CCSAP: variants seen among roughly 807,000 people sequenced by gnomAD.
CCSAP encodes the protein centriole, cilia and spindle-associated protein.
CCSAP carries 17 observed loss-of-function variants against 25.9 expected under a neutral mutation model. The ratio of observed to expected loss-of-function variants is 0.66; its 90% CI spans 0.45 to 0.99. CCSAP has a LOEUF of 0.99. CCSAP is among the 50% of genes least tolerant of loss of function. CCSAP has a pLI of 0.00. For missense variants in CCSAP, 339 were observed against 367.8 expected (o/e 0.92, Z 0.64); for synonymous variants, 169 against 157.1 (o/e 1.08, Z -0.57).
chr1:229,333,579 CTT>C (rs1658132372), intron 2 of CCSAP, among the ~76,000 whole-genome samples: 1 of 151,742 alleles, frequency 6.6e-6, no homozygotes, highest in South Asian at 2.1e-4. Context: ...AAACTGGACA[CTT>C]TAAATCAGTT....
At chr1:229,328,892 G>A (rs1658005816) in intron 2 of CCSAP, among the ~76,000 whole-genome samples, 1 of 152,218 alleles carries the variant, frequency 6.6e-6, no homozygotes, top group Admixed American at 6.5e-5. Flanking sequence ...TCTGAATCCG[G>A]GTGTCATGTT....
At chr1:229,334,381 A>G (rs1381512944) in intron 2 of CCSAP, among the ~76,000 whole-genome samples, 6 of 152,260 alleles carry the variant, frequency 3.9e-5, no homozygotes, top group African/African-American at 1.2e-4. Flanking sequence ...TTAAAAAATC[A>G]TAATGAAAAT....
At position 229,342,329 on chromosome 1, in the gene CCSAP, G is replaced by T; in HGVS notation, c.137C>A (p.Pro46His). 1.3e-6 allele frequency: 2 copies of T among 1,499,608 alleles called. No homozygotes were observed. Among genetic ancestry groups the T allele is most frequent in the Non-Finnish European group, 1.8e-6 (2 of 1,126,802 alleles). 92.9% of individuals were successfully genotyped at this position (1,499,608 alleles called of 1,614,324 possible). A position where few individuals can be genotyped will look rare whatever the true frequency, so the allele number is the denominator to read the frequency against. ...GRRLLEQAHA[P>H]WLWDDWGPAG... The stretch of plus-strand genomic sequence containing the variant: ...CGGGCCCCAGTCGTCCCAGAGCCAG[G>T]GCGCGTGCGCCTGCTCCAGCAGCCG... Residue 46 changes from proline (P) to histidine (H), a missense_variant, in exon 2 of 4, where the codon CCC becomes CAC. By Grantham distance (77) the Pro-to-His change is moderately conservative (BLOSUM62 -2). Transcript: ENST00000284617. This position sits in a 1 kb window ranked among gnomAD's most constrained non-coding sequence, Gnocchi z 7.5.
chr1:229,321,312 T>C lies in CCSAP; in HGVS notation c.*3923A>G, dbSNP rs1279279851. 2 of 152,164 alleles carry C rather than the reference T, an allele frequency of 1.3e-5. No individual in the cohort carries two copies. Among genetic ancestry groups the C allele is most frequent in the Non-Finnish European group, 2.9e-5 (2 of 68,010 alleles). 9.4% of individuals were successfully genotyped at this position (152,164 alleles called of 1,614,324 possible). A position where few individuals can be genotyped will look rare whatever the true frequency, so the allele number is the denominator to read the frequency against. On this transcript the variant is annotated 3_prime_UTR_variant, in exon 4 of 4. Coordinates refer to ENST00000284617, the MANE Select transcript of CCSAP (RefSeq NM_145257.5). ...CGAGAATTTCAAAATGGAAATAATA[T>C]TAAAAGAGCAATCGATTTTTTTCCA...
intron 2 of CCSAP, chr1:229,327,349 A>T (rs553702229): frequency 2.8e-6 from 1 of 360,636 alleles, no homozygotes; most frequent in Non-Finnish European, 5.5e-6. Context: ...AAATCCAATC[A>T]TCTCAATTTT....
chr1:229,327,863 G>A (rs1240414678), intron 2 of CCSAP, among the ~76,000 whole-genome samples: 1 of 122,800 alleles, frequency 8.1e-6, no homozygotes, highest in African/African-American at 3.3e-5. Flanking sequence ...GAAAGACTCC[G>A]TCTCAAAAAA....
At chr1:229,326,145 G>A (rs544307799) in intron 3 of CCSAP, among the ~76,000 whole-genome samples, 3 of 152,276 alleles carry the variant, frequency 2.0e-5, no homozygotes, top group Non-Finnish European at 2.9e-5. Context: ...AAATGTTTCC[G>A]GGTCTTGACA....
At chr1:229,330,849 AAAG>A (rs1423661224) in intron 2 of CCSAP, among the ~76,000 whole-genome samples, 2 of 151,970 alleles carry the variant, frequency 1.3e-5, no homozygotes, top group Non-Finnish European at 2.9e-5. Context: ...AAAAAAAAAA[AAAG>A]AAAATGCAAT....
intron 2 of CCSAP, among the ~76,000 whole-genome samples, chr1:229,332,323 C>A (rs910337848): frequency 1.3e-5 from 2 of 151,874 alleles, no homozygotes; most frequent in African/African-American, 4.9e-5. Context: ...GTCTGTGAGA[C>A]TGAGCCCTCA....
intron 2 of CCSAP, among the ~76,000 whole-genome samples, chr1:229,337,566 G>A (rs1195679041): frequency 6.7e-6 from 1 of 150,090 alleles, no homozygotes; most frequent in African/African-American, 2.5e-5. Flanking sequence ...AGATGTGCAA[G>A]GCAGGGGATC....
At position 229,339,619 on chromosome 1, in the gene CCSAP, G is replaced by C. The variant is rs925660998; in HGVS notation, c.367+2480C>G. Among the ~76,000 whole-genome samples the C allele has an allele frequency of 3.3e-5, 5 of 152,256 alleles. No individual in the cohort carries two copies. The East Asian group carries it at 9.6e-4, about 29-fold the overall frequency. On this transcript the variant is annotated intron_variant, in intron 2 of 3. Coordinates refer to ENST00000284617, the MANE Select transcript of CCSAP (RefSeq NM_145257.5). ...AAAGGTCCTAGGAGGATGGCCAAGG[G>C]CCCTCCCAAGATGCCAGCCAGGCAG...
chr1:229,329,398 T>C (rs1451913607), intron 2 of CCSAP, among the ~76,000 whole-genome samples: 1 of 152,180 alleles, frequency 6.6e-6, no homozygotes, highest in African/African-American at 2.4e-5. Flanking sequence ...TTATAAATAG[T>C]TCAAAATAGC....
chr1:229,342,309 C>T lies in CCSAP; in HGVS notation c.157G>A (p.Gly53Ser), dbSNP rs1019151695. 2.0e-6 allele frequency: 3 copies of T among 1,467,424 alleles called. No homozygotes were observed. The highest frequency in any genetic ancestry group is 2.9e-5 in the African/African-American group (2 of 69,288). 90.9% of individuals were successfully genotyped at this position (1,467,424 alleles called of 1,614,324 possible). Residue 53 changes from glycine to serine, a missense_variant, in exon 2 of 4, where the codon GGC becomes AGC. Physicochemically the swap from Gly to Ser is moderately conservative, Grantham distance 56. Coordinates refer to ENST00000284617, the MANE Select transcript of CCSAP (RefSeq NM_145257.5). This position sits in a 1 kb window ranked among gnomAD's most constrained non-coding sequence, Gnocchi z 7.5. The part of the protein sequence containing the change: ...AHAPWLWDDW[G>S]PAGSSEDSAS... Reference sequence around the variant, plus strand: ...GAGTCCTCCGAGGAGCCGGCCGGGCCCCAGTCGTCCCAGAGCCAGGGCGCG... The same window carrying T: ...GAGTCCTCCGAGGAGCCGGCCGGGCTCCAGTCGTCCCAGAGCCAGGGCGCG...
In CCSAP at chr1:229,342,414, G is replaced by A; in HGVS notation, c.52C>T (p.Pro18Ser). Residue 18 changes from proline (P) to serine (S), a missense_variant, in exon 2 of 4, where the codon CCG (proline) becomes TCG (serine). Physicochemically the swap from Pro to Ser is moderately conservative, Grantham distance 74. Transcript: ENST00000284617. The surrounding 1 kb of genome is among the most constrained non-coding windows in gnomAD (Gnocchi z 7.5). ...CACGGCCCGTACTCCTCCCAGCGCG[G>A]CTCCTGGTAGCGCTTCATGTACTCG... The part of the protein sequence containing the change: ...KSEYMKRYQE[P>S]RWEEYGPCYR... 1 of 1,445,828 alleles carries A rather than the reference G, an allele frequency of 6.9e-7. No homozygotes were observed. Among genetic ancestry groups the A allele is most frequent in the Non-Finnish European group, 9.1e-7 (1 of 1,093,192 alleles). 89.6% of individuals were successfully genotyped at this position (1,445,828 alleles called of 1,614,324 possible).
chr1:229,325,438 G>C (rs1489668142), intron 3 of CCSAP, 27 bp from the exon 4 acceptor site: 16 of 1,598,926 alleles, frequency 1.0e-5, no homozygotes, highest in Non-Finnish European at 1.2e-5. Context: ...ATAAAGGATA[G>C]TAACTTAAGG....
rs1657897514 is a variant in CCSAP at position 229,324,559 on chromosome 1, T to A, written c.*676A>T. On this transcript the variant is annotated 3_prime_UTR_variant, in exon 4 of 4. Coordinates refer to ENST00000284617, the MANE Select transcript of CCSAP (RefSeq NM_145257.5). ...GAATGTACTTGAGCTATTAAACTATTAAATAATAACTGCCTAGATGATCAC... is the reference window on the plus strand; with the variant it reads ...GAATGTACTTGAGCTATTAAACTATAAAATAATAACTGCCTAGATGATCAC... 6.6e-6 allele frequency: 1 copy of A among 152,622 alleles called. No individual in the cohort carries two copies. Among genetic ancestry groups the A allele is most frequent in the Non-Finnish European group, 1.5e-5 (1 of 68,032 alleles). 9.5% of individuals were successfully genotyped at this position (152,622 alleles called of 1,614,324 possible).
At chr1:229,330,778 G>A (rs1314643911) in intron 2 of CCSAP, among the ~76,000 whole-genome samples, 5 of 151,060 alleles carry the variant, frequency 3.3e-5, no homozygotes, top group Admixed American at 3.3e-4. Context: ...CCGGGAGGCG[G>A]AGCTTGCAGT....
intron 2 of CCSAP, among the ~76,000 whole-genome samples, chr1:229,330,928 G>A (rs529119594): frequency 9.9e-5 from 15 of 152,174 alleles, no homozygotes; most frequent in Admixed American, 3.3e-4. Flanking sequence ...TTGGCAGCTC[G>A]GTGGTCACTG....
At chr1:229,339,128 T>C (rs957407996) in intron 2 of CCSAP, among the ~76,000 whole-genome samples, 6 of 147,836 alleles carry the variant, frequency 4.1e-5, no homozygotes, top group African/African-American at 1.2e-4. Flanking sequence ...AGAAAATAAT[T>C]CCAGAAAACT....
Sources: gnomAD v4.1 joint callset for allele counts (sites outside exome capture counted in the v4.1 genomes callset) on GRCh38, gnomAD v4.1.1 for gene constraint, Gnocchi (gnomAD v3.1) non-coding constraint, MANE v1.5 for transcripts, NCBI Gene and HGNC (gene_info 2026-07-23, HGNC 2026-07-21) for gene names.